The following CBR4 variants were observed in gnomAD, a reference collection of about 807,000 sequenced individuals.
The protein encoded by CBR4 is 3-oxoacyl-[acyl-carrier-protein] reductase.
A neutral mutation model predicts 21.0 loss-of-function variants in CBR4; 22 were observed. The ratio of observed to expected loss-of-function variants is 1.05; its 90% confidence interval spans 0.75 to 1.50. CBR4 has a LOEUF of 1.50. CBR4 is among the 40% of genes most tolerant of loss of function. CBR4 has a pLI of 0.00. For synonymous variants in CBR4, 100 were observed against 104.4 expected (o/e 0.96, Z 0.26); for missense variants, 302 against 286.3 (o/e 1.05, Z -0.40).
intron 2 of CBR4, 48 bp downstream of exon 2, chr4:169,007,586 TAA>T (rs1344858361): frequency 4.2e-6 from 5 of 1,183,172 alleles, no homozygotes; most frequent in Admixed American, 3.3e-5. Context: ...ATATTAGGAA[TAA>T]AAGTTTTAAA....
intron 2 of CBR4, among the ~76,000 whole-genome samples, chr4:168,970,849 T>TATAC (rs1553991501): frequency 6.6e-6 from 1 of 151,926 alleles, no homozygotes; most frequent in African/African-American, 2.4e-5. Flanking sequence ...TATATATATA[T>TATAC]ACCACATTTT....
intron 4 of CBR4, among the ~76,000 whole-genome samples, chr4:168,997,389 C>CA (rs1294301873): frequency 6.6e-6 from 1 of 152,132 alleles, no homozygotes; most frequent in Non-Finnish European, 1.5e-5. Flanking sequence ...CACTCTTGCT[C>CA]AAAAAGGTAA....
At position 168,976,254 on chromosome 4, in the gene CBR4, C is replaced by T. The variant is rs113567508; in HGVS notation, n.169+25817G>A. Among the ~76,000 whole-genome samples the T allele has an allele frequency of 1.0e-3, 156 of 152,308 alleles. 1 individual carries two copies. The highest frequency in any genetic ancestry group is 3.4e-3 in the African/African-American group (142 of 41,560). ...TTCCCCAAGGACCTCTGTGAGGTAA[C>T]GCCAGGAATAGCTTCCATGGGCTCG... On this transcript the variant is annotated intron_variant and non_coding_transcript_variant, in intron 2 of 3. Coordinates refer to the CBR4 transcript ENST00000509108.
chr4:168,990,851 G>A (rs560064984), intron 4 of CBR4, among the ~76,000 whole-genome samples: 24 of 152,038 alleles, frequency 1.6e-4, no homozygotes, highest in African/African-American at 5.3e-4. Context: ...GCAGGAGTTC[G>A]AGACCAGCCT....
intron 2 of CBR4, chr4:168,927,939 A>G (rs1762761621): frequency 5.0e-6 from 1 of 199,806 alleles, no homozygotes; most frequent in Non-Finnish European, 1.0e-5. Flanking sequence ...GGCCTCTCTT[A>G]GCTCAGTTAC....
chr4:168,963,995 A>T (rs1299449205), intron 2 of CBR4, among the ~76,000 whole-genome samples: 2 of 152,296 alleles, frequency 1.3e-5, no homozygotes, highest in South Asian at 2.1e-4. Context: ...CCCAGGATGG[A>T]ATAACTAAAA....
intron 2 of CBR4, among the ~76,000 whole-genome samples, chr4:168,936,120 T>G (rs1400340769): frequency 6.6e-6 from 1 of 152,212 alleles, no homozygotes; most frequent in Non-Finnish European, 1.5e-5. Context: ...CAGCCTCCGC[T>G]GGTGATACCC....
intron 4 of CBR4, chr4:169,001,816 A>G: frequency 4.6e-6 from 1 of 219,008 alleles, no homozygotes; most frequent in Non-Finnish European, 8.9e-6. Context: ...CAGGCCCGAG[A>G]GCCAAATAAG....
At chr4:168,984,917 C>T (rs1466534988), downstream of CBR4, among the ~76,000 whole-genome samples, 11 of 152,010 alleles carry the variant, frequency 7.2e-5, no homozygotes, top group South Asian at 2.1e-4. Flanking sequence ...CAACTCAGGA[C>T]GCATTAAAGA....
intron 2 of CBR4, among the ~76,000 whole-genome samples, chr4:168,929,027 A>ATCTT (rs376071651): frequency 7.2e-5 from 11 of 152,378 alleles, no homozygotes; most frequent in African/African-American, 2.2e-4. Context: ...ATTAGGGGCC[A>ATCTT]TCTTACAGTT....
At chr4:168,948,969 T>C (rs1402416829) in intron 2 of CBR4, among the ~76,000 whole-genome samples, 1 of 152,250 alleles carries the variant, frequency 6.6e-6, no homozygotes, top group Non-Finnish European at 1.5e-5. Context: ...ATGGTCATTT[T>C]CACAATATTG....
intron 2 of CBR4, among the ~76,000 whole-genome samples, chr4:168,960,764 T>G (rs1051539743): frequency 6.6e-6 from 1 of 152,170 alleles, no homozygotes; most frequent in African/African-American, 2.4e-5. Flanking sequence ...AAGAAAGAAA[T>G]AAGTTTGCTG....
At chr4:168,986,535 A>G (rs1412269537), downstream of CBR4, among the ~76,000 whole-genome samples, 1 of 152,124 alleles carries the variant, frequency 6.6e-6, no homozygotes, top group Non-Finnish European at 1.5e-5. Flanking sequence ...AGAAACTTCG[A>G]GTTCGGTTTT....
intron 2 of CBR4, among the ~76,000 whole-genome samples, chr4:168,942,723 C>T (rs1763297121): frequency 6.6e-6 from 1 of 152,148 alleles, no homozygotes; most frequent in African/African-American, 2.4e-5. Context: ...GCAAACTCTT[C>T]ACCTGACAGG....
At chr4:168,985,943 C>A (rs1764677947), downstream of CBR4, among the ~76,000 whole-genome samples, 1 of 152,058 alleles carries the variant, frequency 6.6e-6, no homozygotes, top group Admixed American at 6.6e-5. Flanking sequence ...GATTGAAAAA[C>A]TACCTATCAG....
At chr4:168,997,961 TA>T (rs1461426662) in intron 4 of CBR4, among the ~76,000 whole-genome samples, 2 of 152,152 alleles carry the variant, frequency 1.3e-5, no homozygotes, top group Non-Finnish European at 2.9e-5. Flanking sequence ...TTCTATGTCT[TA>T]ATATTATATT....
chr4:168,991,094 C>T (rs1764901560), intron 4 of CBR4, among the ~76,000 whole-genome samples: 1 of 152,076 alleles, frequency 6.6e-6, no homozygotes, highest in South Asian at 2.1e-4. Context: ...TGTTAGTAAT[C>T]AAGACACCAA....
intron 2 of CBR4, among the ~76,000 whole-genome samples, chr4:168,922,621 T>A (rs1034314668): frequency 1.3e-5 from 2 of 152,220 alleles, no homozygotes; most frequent in African/African-American, 4.8e-5. Context: ...GACAAAACTC[T>A]TGGATTATGA....
At chr4:168,948,141 T>TCAC (rs1763444255) in intron 2 of CBR4, among the ~76,000 whole-genome samples, 1 of 152,200 alleles carries the variant, frequency 6.6e-6, no homozygotes, top group Non-Finnish European at 1.5e-5. Context: ...ATGTTGAGCA[T>TCAC]TTTTTCGTAT....
Sources: gnomAD v4.1 joint callset for allele counts (sites outside exome capture counted in the v4.1 genomes callset) on GRCh38, gnomAD v4.1.1 for gene constraint, MANE v1.5 for transcripts, NCBI Gene and HGNC (gene_info 2026-07-23, HGNC 2026-07-21) for gene names.